The following CREB3L2 variants were observed in gnomAD, a reference collection of about 807,000 sequenced individuals.
The protein encoded by CREB3L2 is cyclic AMP-responsive element-binding protein 3-like protein 2.
CREB3L2 carries 23 observed loss-of-function variants against 57.2 expected under a neutral mutation model. The observed-to-expected ratio is 0.40, with a 90% CI of 0.29 to 0.57. The LOEUF (loss-of-function observed/expected upper bound fraction) is 0.57, where lower values mean the gene tolerates loss of function less well. Ranked by LOEUF, CREB3L2 falls within the 20% of genes least tolerant of loss-of-function variation. The probability of loss-of-function intolerance (pLI) is 0.42; values close to 1 mark genes in which losing one functional copy is unlikely to be tolerated. For synonymous variants in CREB3L2, 268 were observed against 265.1 expected, an observed-to-expected ratio of 1.01 and a Z score of -0.11; for missense variants, 628 against 634.7, an observed-to-expected ratio of 0.99 and a Z score of 0.11.
In CREB3L2 at chr7:137,882,501, C is replaced by T; in HGVS notation, c.1398G>A (p.Glu466=). ...GGGGAAGATCCACATCCGGCCTGGA[C>T]TCCAGCCCTGACACCCTGAGCAGGG... ...GSSLLRVSGL[E]SRPDVDLPHF... The change falls in exon 11 of 12, where the codon GAG becomes GAA. Residue 466 remains glutamate (E), a synonymous_variant. Transcript: ENST00000330387. 6.2e-7 allele frequency: 1 copy of T among 1,614,130 alleles called. No individual in the cohort carries two copies. The highest frequency in any genetic ancestry group is 1.3e-5 in the African/African-American group (1 of 75,034).
At chr7:137,950,515 C>T (rs1004228578) in intron 1 of CREB3L2, among the ~76,000 whole-genome samples, 1 of 152,200 alleles carries the variant, frequency 6.6e-6, no homozygotes, top group African/African-American at 2.4e-5. Context: ...TTCTCCTCTA[C>T]CCCATGCTTC....
At position 137,875,396 on chromosome 7, in the gene CREB3L2, G is replaced by A. The variant is rs1744703905; in HGVS notation, c.*5080C>T. The A allele has an allele frequency of 4.5e-6, 1 of 220,596 alleles. No homozygotes were observed. Among genetic ancestry groups the A allele is most frequent in the South Asian group, 1.8e-4 (1 of 5,430 alleles). 13.7% of individuals were successfully genotyped at this position (220,596 alleles called of 1,614,324 possible). A position where few individuals can be genotyped will look rare whatever the true frequency, so the allele number is the denominator to read the frequency against. ...TGATTTTCTAAGTAGTGTAAGCCAT[G>A]GGTACATGGTGCAAAAAGTTCATGT... On this transcript the variant is annotated 3_prime_UTR_variant, in exon 12 of 12. Transcript: ENST00000330387.
At chr7:137,984,726 G>A (rs1801765534) in intron 1 of CREB3L2, among the ~76,000 whole-genome samples, 1 of 152,156 alleles carries the variant, frequency 6.6e-6, no homozygotes, top group Admixed American at 6.5e-5. Context: ...TCGAGTAATA[G>A]TTCCTCAAAA....
chr7:137,882,372 A>C, intron 11 of CREB3L2, 40 bp downstream of exon 11: 1 of 1,475,662 alleles, frequency 6.8e-7, no homozygotes. Context: ...ACCCACCATC[A>C]GTGCACTAGA....
At chr7:137,952,516 T>C (rs930476224) in intron 1 of CREB3L2, among the ~76,000 whole-genome samples, 4 of 152,182 alleles carry the variant, frequency 2.6e-5, no homozygotes, top group Non-Finnish European at 5.9e-5. Flanking sequence ...CATTTGCCAG[T>C]CTGTGAAATT....
chr7:137,889,203 G>C (rs1219648834), intron 8 of CREB3L2, among the ~76,000 whole-genome samples: 1 of 152,072 alleles, frequency 6.6e-6, no homozygotes, highest in African/African-American at 2.4e-5. Flanking sequence ...AGGCTCCCCA[G>C]TGCCTCCTGA....
intron 1 of CREB3L2, among the ~76,000 whole-genome samples, chr7:137,997,307 T>C (rs542292572): frequency 1.1e-4 from 17 of 152,326 alleles, no homozygotes; most frequent in African/African-American, 3.6e-4. Flanking sequence ...CTTCATCTCT[T>C]GACTTCCACT....
In CREB3L2 at chr7:137,879,197, G is replaced by T. The variant is rs1398099744; in HGVS notation, c.*1279C>A. On this transcript the variant is annotated 3_prime_UTR_variant, in exon 12 of 12. Coordinates refer to ENST00000330387, the MANE Select transcript of CREB3L2 (RefSeq NM_194071.4). ...AAAAAAACAAAAAAACTAAAAGTAG[G>T]TTGGGGATTAGGTTGTATCTCTTTG... The T allele has an allele frequency of 1.9e-6, 1 of 528,412 alleles. No homozygotes were observed. Among genetic ancestry groups the T allele is most frequent in the Non-Finnish European group, 3.7e-6 (1 of 273,800 alleles). The allele number at this position is 528,412 out of a possible 1,614,324, so 32.7% of individuals were successfully genotyped here.
chr7:137,892,137 T>C (rs1239231678), intron 8 of CREB3L2, among the ~76,000 whole-genome samples: 1 of 152,184 alleles, frequency 6.6e-6, no homozygotes, highest in Non-Finnish European at 1.5e-5. Flanking sequence ...TATATGTTTT[T>C]AATGAAATGG....
chr7:137,987,114 C>T (rs1801805949), intron 1 of CREB3L2, among the ~76,000 whole-genome samples: 1 of 152,166 alleles, frequency 6.6e-6, no homozygotes, highest in African/African-American at 2.4e-5. Context: ...AGAGTGGAAC[C>T]AGAAAAACAA....
In CREB3L2 at chr7:137,907,685, C is replaced by T. The variant is rs148063528; in HGVS notation, c.768+567G>A. Among the ~76,000 whole-genome samples, 44 of 152,254 alleles carry T rather than the reference C, an allele frequency of 2.9e-4. 1 individual carries two copies. In the East Asian group the frequency reaches 6.9e-3, roughly 24 times the overall value. On this transcript the variant is annotated intron_variant, in intron 5 of 11. Coordinates refer to ENST00000330387, the MANE Select transcript of CREB3L2 (RefSeq NM_194071.4). ...CACTCCTAGAACAATAAGGAGTTAA[C>T]GATCTATTCTTCTTTATTATGGTGT... is the stretch of plus-strand genomic sequence containing the variant.
At position 137,877,437 on chromosome 7, in the gene CREB3L2, C is replaced by A. The variant is rs1341431884; in HGVS notation, c.*3039G>T. On this transcript the variant is annotated 3_prime_UTR_variant, in exon 12 of 12. Coordinates refer to ENST00000330387, the MANE Select transcript of CREB3L2 (RefSeq NM_194071.4). ...AGAGTCCTCACACTTCACAGAAATT[C>A]TTTCTTAAAACTGGCACTGCAGCCT... The A allele has an allele frequency of 3.1e-5, 7 of 226,836 alleles. No individual in the cohort carries two copies. The highest frequency in any genetic ancestry group is 5.7e-5 in the Admixed American group (1 of 17,560). The allele number at this position is 226,836 out of a possible 1,614,324, so 14.1% of individuals were successfully genotyped here. A position where few individuals can be genotyped will look rare whatever the true frequency, so the allele number is the denominator to read the frequency against.
At chr7:137,991,873 A>T (rs1227673758) in intron 1 of CREB3L2, among the ~76,000 whole-genome samples, 1 of 150,462 alleles carries the variant, frequency 6.6e-6, no homozygotes, top group East Asian at 2.0e-4. Flanking sequence ...ACGCCATTGC[A>T]CTCCAGCCTG....
In CREB3L2 at chr7:137,878,605, GACA is replaced by G. The variant is rs1279109609; in HGVS notation, c.*1868_*1870del. 4.3e-6 allele frequency: 1 copy of G among 233,466 alleles called. No individual in the cohort carries two copies. The highest frequency in any genetic ancestry group is 8.4e-6 in the Non-Finnish European group (1 of 118,366). 14.5% of individuals were successfully genotyped at this position (233,466 alleles called of 1,614,324 possible). A position where few individuals can be genotyped will look rare whatever the true frequency, so the allele number is the denominator to read the frequency against. ...AGTCTCCGCCCTGGCTAATGGGAGG[GACA>G]ACAAGAACCCTCCAGACAACAGGGC... On this transcript the variant is annotated 3_prime_UTR_variant, in exon 12 of 12. Transcript: ENST00000330387.
intron 1 of CREB3L2, among the ~76,000 whole-genome samples, chr7:137,996,284 T>A (rs1801987388): frequency 1.3e-5 from 2 of 152,148 alleles, no homozygotes; most frequent in African/African-American, 2.4e-5. Flanking sequence ...TTTGAAGGGA[T>A]GAAATTGGAA....
intron 5 of CREB3L2, 44 bp from the exon 6 acceptor site, chr7:137,905,892 G>A (rs929251792): frequency 2.0e-6 from 3 of 1,537,752 alleles, no homozygotes. Context: ...AAAAAGAACT[G>A]GGACCACTGA....
rs114585223 is a variant in CREB3L2 at position 137,898,188 on chromosome 7, C to T, written c.1043+3166G>A. 4.3e-3 allele frequency among the ~76,000 whole-genome samples: 661 copies of T among 152,184 alleles called. 6 individuals are homozygous for T. Among genetic ancestry groups the T allele is most frequent in the African/African-American group, 0.015 (635 of 41,510 alleles). ...TCACTGACACTAGTCATCAGAGAAA[C>T]GTAAATCAAAACCCTACATGATATC... On this transcript the variant is annotated intron_variant, in intron 8 of 11. Transcript: ENST00000330387.
intron 1 of CREB3L2, chr7:137,957,898 T>A: frequency 1.6e-6 from 1 of 611,258 alleles, no homozygotes; most frequent in Non-Finnish European, 2.6e-6. Flanking sequence ...GAAGACTGTT[T>A]GGTCCCAAGG....
chr7:137,901,202 G>A (rs950486302), intron 8 of CREB3L2, 152 bp downstream of exon 8: 10 of 608,936 alleles, frequency 1.6e-5, no homozygotes, highest in Non-Finnish European at 2.4e-5. Context: ...GGAGTGGGTG[G>A]GTGGAGTTTG....
Sources: allele counts gnomAD v4.1 joint callset (sites outside exome capture counted in the v4.1 genomes callset), GRCh38; gene constraint gnomAD v4.1.1; transcripts MANE v1.5; gene names NCBI Gene and HGNC (gene_info 2026-07-23, HGNC 2026-07-21).